Variants in PAK5 observed in about 807,000 individuals in gnomAD.
The protein encoded by PAK5 is serine/threonine-protein kinase PAK 5.
In PAK5, 16 loss-of-function variants were observed where a neutral mutation model predicts 65.9. The observed-to-expected ratio is 0.24, with a 90% CI of 0.16 to 0.37. The LOEUF (loss-of-function observed/expected upper bound fraction) is 0.37, where lower values mean the gene tolerates loss of function less well. PAK5 is among the 10% of genes least tolerant of loss of function. The probability of loss-of-function intolerance (pLI) is 1.00; values close to 1 mark genes in which losing one functional copy is unlikely to be tolerated. For missense variants in PAK5, 785 were observed against 903.9 expected (o/e 0.87, Z 1.69); for synonymous variants, 371 against 354.9 (o/e 1.05, Z -0.51).
At chr20:9,561,965 C>A (rs969962054) in intron 6 of PAK5, among the ~76,000 whole-genome samples, 1 of 152,156 alleles carries the variant, frequency 6.6e-6, no homozygotes, top group Non-Finnish European at 1.5e-5. Context: ...TCAGGATATG[C>A]ATTTTGATAA....
intron 3 of PAK5, among the ~76,000 whole-genome samples, chr20:9,602,335 T>C (rs1462172743): frequency 1.6e-5 from 2 of 128,426 alleles, no homozygotes; most frequent in Non-Finnish European, 3.3e-5. Flanking sequence ...AATAAATAAA[T>C]AAATAAAATA....
chr20:9,545,106 A>G (rs1479500752), intron 7 of PAK5, among the ~76,000 whole-genome samples: 2 of 152,180 alleles, frequency 1.3e-5, no homozygotes, highest in Non-Finnish European at 2.9e-5. Context: ...ATGAACATCA[A>G]TGCAAGTGGA....
intron 3 of PAK5, among the ~76,000 whole-genome samples, chr20:9,610,045 A>G (rs2046529699): frequency 1.3e-5 from 2 of 152,290 alleles, no homozygotes; most frequent in East Asian, 3.9e-4. Context: ...AACAACACAC[A>G]AAGGAATTAA....
At chr20:9,667,047 C>A (rs972541991) in intron 2 of PAK5, among the ~76,000 whole-genome samples, 1 of 152,178 alleles carries the variant, frequency 6.6e-6, no homozygotes, top group African/African-American at 2.4e-5. Context: ...GAAGCCAAGG[C>A]TGGTGGATCA....
intron 2 of PAK5, among the ~76,000 whole-genome samples, chr20:9,671,198 C>T (rs1306780705): frequency 6.6e-6 from 1 of 152,126 alleles, no homozygotes; most frequent in Non-Finnish European, 1.5e-5. Flanking sequence ...AGTTTGAAGT[C>T]AGGTAGCATG....
chr20:9,787,592 C>T (rs71334865), intron 1 of PAK5, among the ~76,000 whole-genome samples: 2,901 of 150,946 alleles, frequency 0.019, 38 homozygotes, highest in Admixed American at 0.03. Flanking sequence ...GAAAAACTGA[C>T]GCTTACTCTG....
intron 3 of PAK5, among the ~76,000 whole-genome samples, chr20:9,621,802 T>G (rs927059051): frequency 5.3e-5 from 8 of 152,280 alleles, no homozygotes; most frequent in African/African-American, 1.9e-4. Flanking sequence ...TGCCTTTCTT[T>G]GGGGATGGTC....
At chr20:9,646,177 C>T (rs1433449255) in intron 2 of PAK5, among the ~76,000 whole-genome samples, 1 of 152,208 alleles carries the variant, frequency 6.6e-6, no homozygotes, top group Non-Finnish European at 1.5e-5. Flanking sequence ...CCTTCATCCT[C>T]TGTTAAAACT....
chr20:9,664,694 C>T (rs925595190), intron 2 of PAK5, among the ~76,000 whole-genome samples: 1 of 152,018 alleles, frequency 6.6e-6, no homozygotes, highest in African/African-American at 2.4e-5. Flanking sequence ...TAAGTAGTAC[C>T]AAAGGCAATA....
intron 1 of PAK5, among the ~76,000 whole-genome samples, chr20:9,735,643 T>C (rs1048367797): frequency 1.3e-5 from 2 of 151,836 alleles, no homozygotes; most frequent in Admixed American, 1.3e-4. Flanking sequence ...AAACAAAAAA[T>C]AGAAACAAAA....
chr20:9,595,636 T>C (rs1433735284), intron 3 of PAK5, among the ~76,000 whole-genome samples: 1 of 152,206 alleles, frequency 6.6e-6, no homozygotes, highest in African/African-American at 2.4e-5. Context: ...TGTTTTCACA[T>C]AAAGACCACA....
rs561717052 is a variant in PAK5, at chr20:9,641,914, G to C, written c.204+2211C>G. The stretch of plus-strand genomic sequence containing the variant: ...GGCCCACCAAGCCCACGCCCACCCG[G>C]AACTCCAGCTGGCCCGCAAGCACCG... On this transcript the variant is annotated intron_variant, in intron 3 of 9. Coordinates refer to ENST00000353224, the MANE Select transcript of PAK5 (RefSeq NM_177990.4). Among the ~76,000 whole-genome samples, 6 of 152,286 alleles carry C rather than the reference G, an allele frequency of 3.9e-5. No homozygotes were observed. The South Asian group carries it at 8.3e-4, about 21-fold the overall frequency.
At chr20:9,596,136 T>C (rs926306732) in intron 3 of PAK5, among the ~76,000 whole-genome samples, 4 of 152,366 alleles carry the variant, frequency 2.6e-5, no homozygotes, top group African/African-American at 9.6e-5. Flanking sequence ...TGACCACTTC[T>C]GGTCTTTAAT....
intron 1 of PAK5, among the ~76,000 whole-genome samples, chr20:9,770,043 G>A (rs1328469736): frequency 2.0e-5 from 3 of 152,096 alleles, no homozygotes; most frequent in African/African-American, 7.2e-5. Context: ...AGTCAAAAGA[G>A]TTTCTTTTTT....
chr20:9,773,631 A>G (rs2048857281), intron 1 of PAK5, among the ~76,000 whole-genome samples: 2 of 152,222 alleles, frequency 1.3e-5, no homozygotes, highest in Admixed American at 6.5e-5. Flanking sequence ...AGATAAAAGC[A>G]CAGGACAAGT....
intron 4 of PAK5, among the ~76,000 whole-genome samples, chr20:9,567,202 A>T (rs148600891): frequency 6.6e-6 from 1 of 152,302 alleles, no homozygotes; most frequent in African/African-American, 2.4e-5. Flanking sequence ...TAATCCATCA[A>T]TGCACTCTGT....
At chr20:9,630,782 C>T (rs1028622202) in intron 3 of PAK5, among the ~76,000 whole-genome samples, 2 of 152,196 alleles carry the variant, frequency 1.3e-5, no homozygotes, top group Non-Finnish European at 2.9e-5. Context: ...CAGGGAACTC[C>T]TAACATTTGC....
At position 9,817,057 on chromosome 20, in the gene PAK5, G is replaced by C. The variant is rs1336714918; in HGVS notation, c.-162+21705C>G. On this transcript the variant is annotated intron_variant, in intron 1 of 9. Coordinates refer to ENST00000353224, the MANE Select transcript of PAK5 (RefSeq NM_177990.4). ...AGCTACAAGGAAGGCTGAGGCAGGA[G>C]GATCACTTGAGCTTAGGAGTTTGAG... 2.6e-5 allele frequency among the ~76,000 whole-genome samples: 4 copies of C among 152,212 alleles called. No homozygotes were observed. In the East Asian group the frequency reaches 7.7e-4, roughly 29 times the overall value.
At chr20:9,656,461 T>G (rs1196700769) in intron 2 of PAK5, among the ~76,000 whole-genome samples, 2 of 152,104 alleles carry the variant, frequency 1.3e-5, no homozygotes, top group Non-Finnish European at 2.9e-5. Context: ...GACCCAGTCC[T>G]CTTTGATTTT....
Sources: allele counts gnomAD v4.1 joint callset (sites outside exome capture counted in the v4.1 genomes callset), GRCh38; gene constraint gnomAD v4.1.1; transcripts MANE v1.5; gene names NCBI Gene and HGNC (gene_info 2026-07-23, HGNC 2026-07-21).